The following CDH4 variants were observed in gnomAD, a reference collection of about 807,000 sequenced individuals.
The protein encoded by CDH4 is cadherin 4.
In CDH4, 33 loss-of-function variants were observed where a neutral mutation model predicts 86.0. The observed-to-expected ratio is 0.38, with a 90% CI of 0.29 to 0.51. CDH4 has a LOEUF of 0.51. CDH4 is among the 20% of genes least tolerant of loss of function. The pLI is 0.86. For missense variants in CDH4, 1,114 were observed against 1,307.4 expected, an observed-to-expected ratio of 0.85 and a Z score of 2.28; for synonymous variants, 555 against 549.4, an observed-to-expected ratio of 1.01 and a Z score of -0.14.
chr20:61,447,687 G>A (rs1182240446), intron 2 of CDH4, among the ~76,000 whole-genome samples: 1 of 147,820 alleles, frequency 6.8e-6, no homozygotes, highest in Non-Finnish European at 1.5e-5. Context: ...CGATGCATGG[G>A]AAGGGAGGAG....
chr20:61,443,854 ATC>A (rs370150769), intron 2 of CDH4, among the ~76,000 whole-genome samples: 5 of 147,890 alleles, frequency 3.4e-5, no homozygotes, highest in East Asian at 2.0e-4. Flanking sequence ...GATTGTGTGT[ATC>A]TCTCTATGTG....
At chr20:61,571,836 C>T (rs966106686) in intron 2 of CDH4, among the ~76,000 whole-genome samples, 2 of 143,572 alleles carry the variant, frequency 1.4e-5, no homozygotes, top group Non-Finnish European at 1.5e-5. Flanking sequence ...AATCATGCTG[C>T]GCCAGGCACC....
At chr20:61,664,247 C>G (rs2087297255) in intron 2 of CDH4, among the ~76,000 whole-genome samples, 1 of 152,244 alleles carries the variant, frequency 6.6e-6, no homozygotes, top group Admixed American at 6.5e-5. Context: ...CGCCCACCCT[C>G]CTGGAGCTGT....
At chr20:61,856,738 G>T (rs1405127072) in intron 6 of CDH4, among the ~76,000 whole-genome samples, 2 of 152,222 alleles carry the variant, frequency 1.3e-5, no homozygotes, top group African/African-American at 2.4e-5. Context: ...GCCCTGCTGG[G>T]CTCAGAGGGT....
rs2085826928 is a variant in CDH4, at chr20:61,517,018, C to T, written c.170-226545C>T. Among the ~76,000 whole-genome samples the T allele has an allele frequency of 6.6e-6, 1 of 152,230 alleles. No homozygotes were observed. Among genetic ancestry groups the T allele is most frequent in the South Asian group, 2.1e-4 (1 of 4,826 alleles). On this transcript the variant is annotated intron_variant, in intron 2 of 15. Coordinates refer to ENST00000614565, the MANE Select transcript of CDH4 (RefSeq NM_001794.5). This position sits in a 1 kb window ranked among gnomAD's most constrained non-coding sequence, Gnocchi z 6.6. The stretch of plus-strand genomic sequence containing the variant: ...ATGATTAGTACCCAACCAGACAGCT[C>T]TGCACAGACTGCAGAGCCCAGTGTG...
intron 2 of CDH4, among the ~76,000 whole-genome samples, chr20:61,627,127 A>G (rs1055500937): frequency 1.3e-5 from 2 of 152,146 alleles, no homozygotes; most frequent in African/African-American, 2.4e-5. Context: ...TGGGGGCAGC[A>G]GGAGAGGGGC....
At chr20:61,825,912 C>T (rs1004713973) in intron 4 of CDH4, among the ~76,000 whole-genome samples, 1 of 152,186 alleles carries the variant, frequency 6.6e-6, no homozygotes, top group Non-Finnish European at 1.5e-5. Context: ...CTCTCTTCGC[C>T]CACATCTCAC....
chr20:61,269,893 G>A lies in CDH4; in HGVS notation c.169+14956G>A, dbSNP rs2123136003. On this transcript the variant is annotated intron_variant, in intron 2 of 15. Transcript: ENST00000614565. The surrounding 1 kb of genome is among the most constrained non-coding windows in gnomAD (Gnocchi z 5.3). ...TACTCATTTCCACATGGCCCCGGCTGTTGACGATGACCTTAAGCTCCCCTG... is the reference window on the plus strand; with the variant it reads ...TACTCATTTCCACATGGCCCCGGCTATTGACGATGACCTTAAGCTCCCCTG... Among the ~76,000 whole-genome samples, 1 of 152,330 alleles carries A rather than the reference G, an allele frequency of 6.6e-6. No homozygotes were observed. The highest frequency in any genetic ancestry group is 2.1e-4 in the South Asian group (1 of 4,824).
chr20:61,658,048 A>G (rs552859156), intron 2 of CDH4, among the ~76,000 whole-genome samples: 2 of 152,098 alleles, frequency 1.3e-5, no homozygotes, highest in Admixed American at 1.3e-4. Context: ...TTCACCAGCT[A>G]ATAAGTCTCC....
chr20:61,681,166 C>A lies in CDH4; in HGVS notation c.170-62397C>A, dbSNP rs539685411. Among the ~76,000 whole-genome samples, 1 of 152,280 alleles carries A rather than the reference C, an allele frequency of 6.6e-6. No individual in the cohort carries two copies. Among genetic ancestry groups the A allele is most frequent in the Admixed American group, 6.5e-5 (1 of 15,294 alleles). On this transcript the variant is annotated intron_variant, in intron 2 of 15. Coordinates refer to ENST00000614565, the MANE Select transcript of CDH4 (RefSeq NM_001794.5). The surrounding 1 kb of genome is among the most constrained non-coding windows in gnomAD (Gnocchi z 4.5). ...AATGTCTCTGCAAGGGTAAAACACC[C>A]GCCCTCACGTCCTAATGGCTTTTTT...
intron 2 of CDH4, among the ~76,000 whole-genome samples, chr20:61,374,542 G>A (rs1448092437): frequency 6.6e-6 from 1 of 152,220 alleles, no homozygotes; most frequent in Non-Finnish European, 1.5e-5. Context: ...TCAGCTGTGA[G>A]ATGGGATGAC....
At chr20:61,820,491 G>A (rs1568833804) in intron 4 of CDH4, among the ~76,000 whole-genome samples, 1 of 152,212 alleles carries the variant, frequency 6.6e-6, no homozygotes, top group East Asian at 1.9e-4. Context: ...AGGCTCCTCA[G>A]CAGCCATTTG....
chr20:61,876,165 G>A (rs1984015872), intron 7 of CDH4, among the ~76,000 whole-genome samples: 1 of 152,258 alleles, frequency 6.6e-6, no homozygotes, highest in Non-Finnish European at 1.5e-5. Context: ...GGTCAGGCCT[G>A]TGAGCGCCGG....
chr20:61,729,522 G>A (rs955920010), intron 2 of CDH4, among the ~76,000 whole-genome samples: 7 of 152,182 alleles, frequency 4.6e-5, no homozygotes, highest in South Asian at 2.1e-4. Flanking sequence ...CTTTCACGAC[G>A]TAAGGCTCTT....
At chr20:61,765,748 G>C (rs972909891) in intron 3 of CDH4, among the ~76,000 whole-genome samples, 2 of 152,144 alleles carry the variant, frequency 1.3e-5, no homozygotes, top group Non-Finnish European at 2.9e-5. Flanking sequence ...GCTGACCTGG[G>C]CGGCCTGGAG....
intron 6 of CDH4, among the ~76,000 whole-genome samples, chr20:61,855,116 G>A (rs111391354): frequency 5.1e-5 from 4 of 78,022 alleles, no homozygotes; most frequent in Admixed American, 1.4e-4. Flanking sequence ...ACCCCCAGGG[G>A]TGCAGTGTGA....
chr20:61,603,255 T>C (rs2086617058), intron 2 of CDH4, among the ~76,000 whole-genome samples: 2 of 152,000 alleles, frequency 1.3e-5, no homozygotes, highest in Non-Finnish European at 2.9e-5. Context: ...GGAAGTCAAG[T>C]CCGTGGAGAG....
chr20:61,725,702 TCCAGTGGGCTTTC>T (rs2145918760), intron 2 of CDH4, among the ~76,000 whole-genome samples: 1 of 149,316 alleles, frequency 6.7e-6, no homozygotes, highest in East Asian at 2.0e-4. Context: ...CCTCCACCTC[TCCAGTGGGCTTTC>T]CCATCTGCAG....
intron 2 of CDH4, among the ~76,000 whole-genome samples, chr20:61,565,062 T>TTTTGGTGGTGGTGG (rs1555808995): frequency 4.0e-5 from 4 of 101,218 alleles, no homozygotes; most frequent in Admixed American, 3.0e-4. Flanking sequence ...GGTGGTGCTC[T>TTTTGGTGGTGGTGG]TGGTGGTGGT....
Sources: gnomAD v4.1 joint callset for allele counts (sites outside exome capture counted in the v4.1 genomes callset) on GRCh38, gnomAD v4.1.1 for gene constraint, Gnocchi (gnomAD v3.1) non-coding constraint, MANE v1.5 for transcripts, NCBI Gene and HGNC (gene_info 2026-07-23, HGNC 2026-07-21) for gene names.